STYX: variants seen among roughly 807,000 people sequenced by gnomAD.
STYX encodes serine/threonine/tyrosine-interacting protein.
STYX carries 20 observed loss-of-function variants against 42.7 expected under a neutral mutation model. The ratio of observed to expected loss-of-function variants is 0.47; its 90% CI spans 0.33 to 0.68. STYX has a LOEUF of 0.68. STYX is among the 30% of genes least tolerant of loss of function. The pLI, the probability that STYX is intolerant of heterozygous loss-of-function variation, is 0.02. For synonymous variants in STYX, 78 were observed against 81.9 expected (o/e 0.95, Z 0.26); for missense variants, 226 against 268.5 (o/e 0.84, Z 1.11).
intron 9 of STYX, among the ~76,000 whole-genome samples, chr14:52,761,881 C>T (rs1882108756): frequency 2.1e-5 from 3 of 143,954 alleles, no homozygotes; most frequent in African/African-American, 7.7e-5. Context: ...CCTGTCTCTA[C>T]TAAAATTACA....
chr14:52,746,365 T>A, intron 2 of STYX, 61 bp from the exon 3 acceptor site: 1 of 1,304,320 alleles, frequency 7.7e-7, no homozygotes, highest in Non-Finnish European at 1.1e-6. Context: ...TTTGTCTTAT[T>A]TATATAGCCT....
At position 52,730,525 on chromosome 14, in the gene STYX, C is replaced by G; in HGVS notation, c.51C>G (p.Asp17Glu). Residue 17 changes from aspartate to glutamate, a missense_variant, in exon 1 of 11, where the codon GAC becomes GAG. Transcript: ENST00000354586. ...EFPSLPQCKE[D>E]AEEWTYPMRR... ...CTTCCCTTCCACAGTGCAAGGAAGACGCCGAGGTGAGTCGCTCCCGTGGCT... is the reference window on the plus strand; with the variant it reads ...CTTCCCTTCCACAGTGCAAGGAAGAGGCCGAGGTGAGTCGCTCCCGTGGCT... The G allele has an allele frequency of 6.2e-7, 1 of 1,613,440 alleles. No individual in the cohort carries two copies. The highest frequency in any genetic ancestry group is 8.5e-7 in the Non-Finnish European group (1 of 1,179,802).
At chr14:52,741,773 A>G (rs961272395) in intron 1 of STYX, among the ~76,000 whole-genome samples, 1 of 151,804 alleles carries the variant, frequency 6.6e-6, no homozygotes, top group African/African-American at 2.4e-5. Flanking sequence ...TATACTTCTT[A>G]TTTCTACATA....
intron 1 of STYX, among the ~76,000 whole-genome samples, chr14:52,739,632 C>CTTTTTTTTTT (rs58454717): frequency 0.01 from 669 of 65,744 alleles, 6 homozygotes; most frequent in Middle Eastern, 0.042. Flanking sequence ...TCCTTTCTTT[C>CTTTTTTTTTT]TTTTTTTTTT....
intron 1 of STYX, among the ~76,000 whole-genome samples, chr14:52,734,256 G>C (rs916663844): frequency 6.6e-6 from 1 of 151,948 alleles, no homozygotes; most frequent in African/African-American, 2.4e-5. Context: ...CTTCAAGTTA[G>C]TTCTGGGAAG....
intron 1 of STYX, among the ~76,000 whole-genome samples, chr14:52,735,176 C>T (rs1375981256): frequency 6.6e-6 from 1 of 152,200 alleles, no homozygotes; most frequent in African/African-American, 2.4e-5. Context: ...GTTCTTATCT[C>T]TACTTTCTCT....
At chr14:52,730,606 C>G in intron 1 of STYX, 75 bp downstream of exon 1, 1 of 1,522,232 alleles carries the variant, frequency 6.6e-7, no homozygotes, top group Non-Finnish European at 8.9e-7. Context: ...CAGTCCCCAA[C>G]CGTCTTAGCC....
At chr14:52,741,375 A>AT (rs939520002) in intron 1 of STYX, among the ~76,000 whole-genome samples, 1 of 151,888 alleles carries the variant, frequency 6.6e-6, no homozygotes, top group African/African-American at 2.4e-5. Context: ...GGTGTTGTCA[A>AT]TTTTTTTAAC....
At chr14:52,768,718 C>T (rs1225508209) in intron 9 of STYX, 122 bp from the exon 10 acceptor site, 4 of 600,446 alleles carry the variant, frequency 6.7e-6, no homozygotes, top group Non-Finnish European at 1.1e-5. Context: ...TCTCTTCAAA[C>T]AATATGGCAC....
rs927415364 is a variant in STYX at position 52,773,964 on chromosome 14, A to G, written c.*2858A>G. 1.3e-5 allele frequency: 2 copies of G among 152,204 alleles called. No individual in the cohort carries two copies. The highest frequency in any genetic ancestry group is 6.5e-5 in the Admixed American group (1 of 15,282). 9.4% of individuals were successfully genotyped at this position (152,204 alleles called of 1,614,324 possible). A position where few individuals can be genotyped will look rare whatever the true frequency, so the allele number is the denominator to read the frequency against. On this transcript the variant is annotated 3_prime_UTR_variant, in exon 11 of 11. Coordinates refer to ENST00000354586, the MANE Select transcript of STYX (RefSeq NM_145251.4). ...TTGTATCAAAACATAGGGAAACTGT[A>G]TTACTGTCCATTTTGAAAATATGAA... is the stretch of plus-strand genomic sequence containing the variant.
intron 1 of STYX, among the ~76,000 whole-genome samples, chr14:52,737,548 C>A (rs1430069806): frequency 3.9e-5 from 6 of 152,274 alleles, no homozygotes; most frequent in African/African-American, 1.2e-4. Flanking sequence ...TTGATTTCTA[C>A]TAATTAATTA....
chr14:52,743,843 A>G (rs1188411239), intron 1 of STYX, among the ~76,000 whole-genome samples: 2 of 152,180 alleles, frequency 1.3e-5, no homozygotes, highest in Non-Finnish European at 2.9e-5. Context: ...GTATTTTTTT[A>G]GACGGGGTCT....
rs186185620 is a variant in STYX at position 52,739,507 on chromosome 14, T to A, written c.58-5345T>A. On this transcript the variant is annotated intron_variant, in intron 1 of 10. Coordinates refer to ENST00000354586, the MANE Select transcript of STYX (RefSeq NM_145251.4). ...AGTCAATAACATTTAGTGCAGTAGA[T>A]CTCTGAAATGCATCTATTTTGTGCT... 6.1e-4 allele frequency among the ~76,000 whole-genome samples: 93 copies of A among 152,230 alleles called. 3 individuals are homozygous for A. The South Asian group carries it at 0.013, about 22-fold the overall frequency.
In STYX at chr14:52,730,736, G is replaced by C. The variant is rs1201069484; in HGVS notation, c.57+205G>C. On this transcript the variant is annotated intron_variant, in intron 1 of 10. Transcript: ENST00000354586. ...CAGACCCCGCGGAGGGGCAGCGTCTGGTGTACTTACATTTGAGAAGAGGAA... is the reference window on the plus strand; with the variant it reads ...CAGACCCCGCGGAGGGGCAGCGTCTCGTGTACTTACATTTGAGAAGAGGAA... 2.0e-5 allele frequency among the ~76,000 whole-genome samples: 3 copies of C among 152,204 alleles called. No homozygotes were observed. In the South Asian group the frequency reaches 6.2e-4, roughly 32 times the overall value.
intron 4 of STYX, among the ~76,000 whole-genome samples, chr14:52,752,850 C>T (rs1463207557): frequency 1.4e-5 from 2 of 146,630 alleles, no homozygotes; most frequent in South Asian, 2.2e-4. Context: ...ATTTTTCTTT[C>T]GTTTTTAATT....
intron 5 of STYX, 64 bp downstream of exon 5, chr14:52,756,675 C>CTTTTTTTTTTTTTTTT (rs748826005): frequency 1.4e-5 from 1 of 70,416 alleles, no homozygotes; most frequent in Non-Finnish European, 2.6e-5. Flanking sequence ...CTTAGTTGTG[C>CTTTTTTTTTTTTTTTT]TTTTTTTTTT....
At chr14:52,735,308 T>A (rs953304190) in intron 1 of STYX, among the ~76,000 whole-genome samples, 2 of 152,142 alleles carry the variant, frequency 1.3e-5, no homozygotes, top group African/African-American at 4.8e-5. Flanking sequence ...GTGTTTGAAA[T>A]CTAGAGGAAT....
chr14:52,732,091 G>GTT (rs560828155), intron 1 of STYX, among the ~76,000 whole-genome samples: 1,645 of 85,798 alleles, frequency 0.019, 34 homozygotes, highest in African/African-American at 0.045. Context: ...TATACTCATG[G>GTT]TTTTTTTTTT....
intron 1 of STYX, among the ~76,000 whole-genome samples, chr14:52,740,091 A>G (rs1006975111): frequency 1.6e-4 from 24 of 152,182 alleles, no homozygotes; most frequent in African/African-American, 5.8e-4. Context: ...AACCTGGCCA[A>G]GATGGTGAAA....
Sources: allele counts gnomAD v4.1 joint callset (sites outside exome capture counted in the v4.1 genomes callset), GRCh38; gene constraint gnomAD v4.1.1; transcripts MANE v1.5; gene names NCBI Gene and HGNC (gene_info 2026-07-23, HGNC 2026-07-21).